The following HHAT variants were observed in gnomAD, a reference collection of about 807,000 sequenced individuals.
The protein encoded by HHAT is protein-cysteine N-palmitoyltransferase HHAT.
Under a neutral mutation model 70.8 loss-of-function variants are expected in HHAT, and 47 were observed. That is an observed-to-expected ratio of 0.66 (90% CI 0.53 to 0.85). The LOEUF (loss-of-function observed/expected upper bound fraction) is 0.85. Ranked by LOEUF, HHAT falls within the 40% of genes least tolerant of loss-of-function variation. The pLI is 0.00. For missense variants in HHAT, 609 were observed against 604.8 expected (o/e 1.01, Z -0.07); for synonymous variants, 228 against 247.6 (o/e 0.92, Z 0.74).
chr1:210,548,668 C>T (rs1383422273), intron 9 of HHAT, among the ~76,000 whole-genome samples: 1 of 152,164 alleles, frequency 6.6e-6, no homozygotes, highest in Non-Finnish European at 1.5e-5. Flanking sequence ...TTGATTAGAA[C>T]TTGCACAGAA....
intron 10 of HHAT, among the ~76,000 whole-genome samples, chr1:210,607,635 T>C (rs959897946): frequency 6.6e-6 from 1 of 152,150 alleles, no homozygotes; most frequent in Non-Finnish European, 1.5e-5. Flanking sequence ...GTCGACAGAC[T>C]TTCATCTTCC....
chr1:210,554,862 A>G (rs2095558274), intron 9 of HHAT, among the ~76,000 whole-genome samples: 1 of 152,132 alleles, frequency 6.6e-6, no homozygotes, highest in Non-Finnish European at 1.5e-5. Flanking sequence ...GCTGGAATAC[A>G]CAAGGTTTGT....
intron 1 of HHAT, among the ~76,000 whole-genome samples, chr1:210,342,118 A>G (rs1044077008): frequency 3.3e-5 from 5 of 151,474 alleles, no homozygotes; most frequent in African/African-American, 1.2e-4. Flanking sequence ...GGACAACTCA[A>G]TTTTTCCCCA....
At position 210,362,833 on chromosome 1, in the gene HHAT, A is replaced by C. The variant is rs1251818655; in HGVS notation, c.92-19A>C. On this transcript the variant is annotated intron_variant, in intron 2 of 11. Transcript: ENST00000261458. Reference sequence around the variant, plus strand: ...TTGTTTAGATTTGTGACTAACGAAGACTTTTTTTTTTTGGTCAGAACACGA... The same window carrying C: ...TTGTTTAGATTTGTGACTAACGAAGCCTTTTTTTTTTTGGTCAGAACACGA... The C allele has an allele frequency of 6.3e-7, 1 of 1,577,948 alleles. No individual in the cohort carries two copies.
chr1:210,411,609 G>A (rs941509640), intron 6 of HHAT, among the ~76,000 whole-genome samples: 7 of 152,016 alleles, frequency 4.6e-5, no homozygotes, highest in African/African-American at 1.7e-4. Context: ...AAAAAAATCA[G>A]CCAGGCGTGG....
At chr1:210,613,356 G>C (rs895383899) in intron 10 of HHAT, among the ~76,000 whole-genome samples, 11 of 152,184 alleles carry the variant, frequency 7.2e-5, no homozygotes, top group African/African-American at 2.7e-4. Context: ...TTGTTGGAAA[G>C]ACTGTTCTTT....
chr1:210,482,616 G>T (rs991854128), intron 8 of HHAT, among the ~76,000 whole-genome samples: 4 of 152,184 alleles, frequency 2.6e-5, no homozygotes, highest in Admixed American at 2.6e-4. Context: ...AGGGGAATGT[G>T]GTTAAATAGA....
At chr1:210,568,844 T>C (rs1454288370) in intron 9 of HHAT, among the ~76,000 whole-genome samples, 2 of 152,202 alleles carry the variant, frequency 1.3e-5, no homozygotes, top group African/African-American at 4.8e-5. Flanking sequence ...CCAGACCCTG[T>C]TCTCCTGCCC....
intron 11 of HHAT, chr1:210,630,975 T>G (rs74158952): frequency 1.1e-5 from 5 of 445,524 alleles, no homozygotes; most frequent in African/African-American, 8.2e-5. Context: ...AGCCAACATA[T>G]CTTTGTATTT....
chr1:210,380,471 C>T (rs1354692646), intron 3 of HHAT, among the ~76,000 whole-genome samples: 1 of 151,954 alleles, frequency 6.6e-6, no homozygotes, highest in African/African-American at 2.4e-5. Flanking sequence ...ACTCAGGAGG[C>T]GGAGGTTGCA....
At chr1:210,483,538 G>A (rs1404180231) in intron 8 of HHAT, among the ~76,000 whole-genome samples, 2 of 152,150 alleles carry the variant, frequency 1.3e-5, no homozygotes, top group African/African-American at 4.8e-5. Context: ...TCCAGCTTTA[G>A]GTTCTGTGTA....
chr1:210,489,809 A>T (rs1044691080), intron 8 of HHAT, among the ~76,000 whole-genome samples: 3 of 152,190 alleles, frequency 2.0e-5, no homozygotes, highest in South Asian at 2.1e-4. Context: ...GTGAAAGAGG[A>T]GCTCAGGAGA....
At chr1:210,455,215 G>A (rs143563316) in intron 7 of HHAT, among the ~76,000 whole-genome samples, 2 of 152,134 alleles carry the variant, frequency 1.3e-5, no homozygotes, top group Non-Finnish European at 2.9e-5. Flanking sequence ...TGTCTTTCAC[G>A]TTACCTGCCC....
intron 1 of HHAT, among the ~76,000 whole-genome samples, chr1:210,347,174 G>A (rs114362834): frequency 1.8e-3 from 266 of 151,972 alleles, no homozygotes; most frequent in African/African-American, 6.0e-3. Context: ...CACTTCCCCC[G>A]CCCCAGCCCC....
chr1:210,407,507 A>C (rs918104453), intron 6 of HHAT, among the ~76,000 whole-genome samples: 2 of 152,242 alleles, frequency 1.3e-5, no homozygotes, highest in Non-Finnish European at 2.9e-5. Flanking sequence ...TTAGGCATAC[A>C]CCTGGAGAAT....
At position 210,439,691 on chromosome 1, in the gene HHAT, G is replaced by A. The variant is rs369192965; in HGVS notation, c.856+21366G>A. 3.0e-4 allele frequency: 45 copies of A among 152,040 alleles called. No homozygotes were observed. The East Asian group carries it at 3.9e-3, about 13-fold the overall frequency. 9.4% of individuals were successfully genotyped at this position (152,040 alleles called of 1,614,324 possible). On this transcript the variant is annotated intron_variant, in intron 7 of 11. Transcript: ENST00000261458. Reference sequence around the variant, plus strand: ...GTGAGGCGTGATGAGCAGGAGAGATGAAGAAAATCTGCTTCTCTTGCAAAG... The same window carrying A: ...GTGAGGCGTGATGAGCAGGAGAGATAAAGAAAATCTGCTTCTCTTGCAAAG...
intron 9 of HHAT, among the ~76,000 whole-genome samples, chr1:210,584,754 C>T (rs1446114368): frequency 6.6e-6 from 1 of 152,218 alleles, no homozygotes; most frequent in East Asian, 1.9e-4. Flanking sequence ...CCCTTCTCCC[C>T]TGCACTCTGG....
At chr1:210,527,719 G>A (rs1270379233) in intron 9 of HHAT, among the ~76,000 whole-genome samples, 1 of 152,228 alleles carries the variant, frequency 6.6e-6, no homozygotes, top group Non-Finnish European at 1.5e-5. Context: ...GCACGTGACA[G>A]AGGATGGTGC....
At chr1:210,502,024 C>CT (rs76785301) in intron 8 of HHAT, among the ~76,000 whole-genome samples, 90 of 146,670 alleles carry the variant, frequency 6.1e-4, no homozygotes, top group East Asian at 2.4e-3. Flanking sequence ...TATTCTTCTT[C>CT]TTTTTTTTTT....
Sources: allele counts gnomAD v4.1 joint callset (sites outside exome capture counted in the v4.1 genomes callset), GRCh38; gene constraint gnomAD v4.1.1; transcripts MANE v1.5; gene names NCBI Gene and HGNC (gene_info 2026-07-23, HGNC 2026-07-21).